Variants in CDH8 observed in about 807,000 individuals in gnomAD.
CDH8 encodes the protein cadherin 8, also known as cadherin-8.
A neutral mutation model predicts 68.1 loss-of-function variants in CDH8; 17 were observed. That is an observed-to-expected ratio of 0.25 (90% CI 0.17 to 0.37). The LOEUF is 0.37. CDH8 is among the 10% of genes least tolerant of loss of function. CDH8 has a pLI of 1.00. For synonymous variants in CDH8, 372 were observed against 365.1 expected, an observed-to-expected ratio of 1.02 and a Z score of -0.21; for missense variants, 763 against 999.3, an observed-to-expected ratio of 0.76 and a Z score of 3.19.
At chr16:61,692,512 G>A (rs1407690655) in intron 10 of CDH8, 1 of 151,562 alleles carries the variant, frequency 6.6e-6, no homozygotes, top group Admixed American at 6.6e-5. Flanking sequence ...CTGTGTATGT[G>A]TGTATGTATG....
At chr16:61,659,144 A>C (rs1471256631) in intron 10 of CDH8, among the ~76,000 whole-genome samples, 2 of 152,220 alleles carry the variant, frequency 1.3e-5, no homozygotes, top group Non-Finnish European at 2.9e-5. Context: ...AGCATGATAG[A>C]AAAGGAGCTC....
intron 8 of CDH8, among the ~76,000 whole-genome samples, chr16:61,757,866 G>A (rs1287644086): frequency 6.6e-6 from 1 of 152,142 alleles, no homozygotes; most frequent in East Asian, 1.9e-4. Flanking sequence ...TTTCAAATTT[G>A]CGAGCAAAAT....
At chr16:61,745,499 C>T (rs547625744) in intron 8 of CDH8, among the ~76,000 whole-genome samples, 2 of 151,668 alleles carry the variant, frequency 1.3e-5, no homozygotes, top group Non-Finnish European at 1.5e-5. Context: ...AATATACTTT[C>T]GCTTTACATA....
intron 8 of CDH8, among the ~76,000 whole-genome samples, chr16:61,781,124 A>G (rs1961040593): frequency 6.6e-6 from 1 of 152,200 alleles, no homozygotes; most frequent in Admixed American, 6.5e-5. Context: ...TAACAGCTCA[A>G]TGCCCTGGAG....
chr16:61,727,699 G>A (rs1169731353), intron 8 of CDH8, among the ~76,000 whole-genome samples: 1 of 150,776 alleles, frequency 6.6e-6, no homozygotes, highest in Admixed American at 6.6e-5. Context: ...TGATAAAAGA[G>A]GTAAGATTAA....
intron 2 of CDH8, among the ~76,000 whole-genome samples, chr16:61,999,732 A>T (rs780064538): frequency 1.3e-5 from 2 of 152,058 alleles, no homozygotes; most frequent in African/African-American, 2.4e-5. Context: ...TATTGTGCTC[A>T]CTGGGGCATG....
Position 61,857,160 on chromosome 16 carries a change from A to G in CDH8, c.626T>C (p.Ile209Thr). The change falls in exon 4 of 12, where the codon ATA (isoleucine) becomes ACA (threonine). Residue 209 changes from isoleucine to threonine, a missense_variant. By Grantham distance (89) the Ile-to-Thr change is moderately conservative. This residue lies in a region of CDH8 where 366 missense variants were observed against 563.1 expected (regional missense o/e 0.65). Coordinates refer to ENST00000577390, the MANE Select transcript of CDH8 (RefSeq NM_001796.5). ...GGAAAAATAAGGCTGCCCTTCCAAT[A>G]TACTATAAACCAACTTTGCACTGTT... Reference protein sequence around the residue: ...YGNSAKLVYSILEGQPYFSIE... With the variant: ...YGNSAKLVYSTLEGQPYFSIE... The G allele has an allele frequency of 6.2e-7, 1 of 1,613,654 alleles. No individual in the cohort carries two copies. Among genetic ancestry groups the G allele is most frequent in the South Asian group, 1.1e-5 (1 of 91,078 alleles).
intron 2 of CDH8, among the ~76,000 whole-genome samples, chr16:61,966,503 C>A (rs1284755582): frequency 6.6e-6 from 1 of 151,516 alleles, no homozygotes; most frequent in African/African-American, 2.4e-5. Flanking sequence ...GTGCCACTGC[C>A]CTCCAGCCTG....
chr16:61,934,502 T>C (rs1248027714), intron 2 of CDH8, among the ~76,000 whole-genome samples: 1 of 152,208 alleles, frequency 6.6e-6, no homozygotes, highest in Non-Finnish European at 1.5e-5. Context: ...CCACATTTCC[T>C]ATGGTATATA....
chr16:61,732,459 G>A (rs1959563975), intron 8 of CDH8, among the ~76,000 whole-genome samples: 1 of 151,776 alleles, frequency 6.6e-6, no homozygotes, highest in Non-Finnish European at 1.5e-5. Flanking sequence ...GAAAACAGTA[G>A]GATAACTTAT....
intron 4 of CDH8, among the ~76,000 whole-genome samples, chr16:61,829,118 A>G (rs938403870): frequency 6.6e-6 from 1 of 151,826 alleles, no homozygotes; most frequent in South Asian, 2.1e-4. Flanking sequence ...CCACCAATAT[A>G]CATTAACCTA....
At chr16:61,983,827 G>T (rs1322099396) in intron 2 of CDH8, among the ~76,000 whole-genome samples, 1 of 151,160 alleles carries the variant, frequency 6.6e-6, no homozygotes, top group Non-Finnish European at 1.5e-5. Context: ...ACAGATGGCT[G>T]CCTTCTTGCT....
At chr16:61,980,887 A>G (rs1182428355) in intron 2 of CDH8, among the ~76,000 whole-genome samples, 3 of 152,228 alleles carry the variant, frequency 2.0e-5, no homozygotes, top group African/African-American at 7.2e-5. Flanking sequence ...CTAAGAAGAA[A>G]AAACGCCAGA....
intron 3 of CDH8, among the ~76,000 whole-genome samples, chr16:61,887,859 A>G (rs1449194798): frequency 2.0e-5 from 3 of 152,152 alleles, no homozygotes; most frequent in African/African-American, 7.2e-5. Flanking sequence ...TGACATATAT[A>G]ATGCCCCCTT....
intron 8 of CDH8, among the ~76,000 whole-genome samples, chr16:61,771,327 G>A (rs575639880): frequency 6.6e-6 from 1 of 151,622 alleles, no homozygotes; most frequent in Non-Finnish European, 1.5e-5. Flanking sequence ...TATTGGAAAT[G>A]TGAAAAACAG....
Position 62,017,647 on chromosome 16 carries a change from C to T in CDH8, c.252+3505G>A, listed in dbSNP as rs73568742. ...CTGTGAGTGCATCACTGGACTCCAG[C>T]TTGAGTGACAGAGCAAGACCTTATC... On this transcript the variant is annotated intron_variant, in intron 2 of 11. Transcript: ENST00000577390. Among the ~76,000 whole-genome samples the T allele has an allele frequency of 9.8e-3, 1,490 of 152,318 alleles. 25 individuals are homozygous for T. The highest frequency in any genetic ancestry group is 0.033 in the African/African-American group (1,391 of 41,568).
At chr16:61,949,818 C>T (rs1035702963) in intron 2 of CDH8, among the ~76,000 whole-genome samples, 4 of 151,940 alleles carry the variant, frequency 2.6e-5, no homozygotes, top group African/African-American at 9.7e-5. Flanking sequence ...CCCATCTCTA[C>T]TAAATAATAA....
rs895501096 is a variant in CDH8, at chr16:61,652,275, T to A, written c.*1333A>T. ...TCACCATGAAGATCAGGGATAGGAGTGCTAAAAACGTAAACAGTGAAATTA... is the reference window on the plus strand; with the variant it reads ...TCACCATGAAGATCAGGGATAGGAGAGCTAAAAACGTAAACAGTGAAATTA... On this transcript the variant is annotated 3_prime_UTR_variant, in exon 12 of 12. Coordinates refer to ENST00000577390, the MANE Select transcript of CDH8 (RefSeq NM_001796.5). 7 of 985,076 alleles carry A rather than the reference T, an allele frequency of 7.1e-6. No homozygotes were observed. The highest frequency in any genetic ancestry group is 8.4e-6 in the Non-Finnish European group (7 of 829,736). The allele number at this position is 985,076 out of a possible 1,614,324, so 61.0% of individuals were successfully genotyped here.
intron 10 of CDH8, among the ~76,000 whole-genome samples, chr16:61,664,328 A>G (rs1018046762): frequency 6.6e-6 from 1 of 152,030 alleles, no homozygotes; most frequent in Non-Finnish European, 1.5e-5. Flanking sequence ...AGTAACGGAG[A>G]TAAGACAGAC....
Sources: allele counts gnomAD v4.1 joint callset (sites outside exome capture counted in the v4.1 genomes callset), GRCh38; gene constraint gnomAD v4.1.1; regional missense constraint gnomAD v4.1.1; transcripts MANE v1.5; gene names NCBI Gene and HGNC (gene_info 2026-07-23, HGNC 2026-07-21).